The following ARHGAP23 variants were observed in gnomAD, a reference collection of about 807,000 sequenced individuals.
The protein encoded by ARHGAP23 is rho GTPase-activating protein 23.
A neutral mutation model predicts 136.3 loss-of-function variants in ARHGAP23; 34 were observed. The observed-to-expected ratio is 0.25, with a 90% CI of 0.19 to 0.33. The LOEUF is 0.33. Ranked by LOEUF, ARHGAP23 falls within the 10% of genes least tolerant of loss-of-function variation. ARHGAP23 has a pLI of 1.00. For synonymous variants in ARHGAP23, 832 were observed against 920.5 expected, an observed-to-expected ratio of 0.90 and a Z score of 1.74; for missense variants, 1,808 against 2,139.0, an observed-to-expected ratio of 0.85 and a Z score of 3.05.
chr17:38,496,902 A>G (rs923246264), intron 20 of ARHGAP23, among the ~76,000 whole-genome samples: 1 of 152,022 alleles, frequency 6.6e-6, no homozygotes, highest in African/African-American at 2.4e-5. Flanking sequence ...GCAGTGAGCC[A>G]AGATTGCACC....
chr17:38,481,209 T>A (rs1327766977), intron 14 of ARHGAP23, among the ~76,000 whole-genome samples: 1 of 151,146 alleles, frequency 6.6e-6, no homozygotes, highest in Non-Finnish European at 1.5e-5. Context: ...TGCAGTGGTG[T>A]GATGTCGGCT....
At chr17:38,425,467 G>T (rs2038560706), upstream of ARHGAP23, among the ~76,000 whole-genome samples, 1 of 152,160 alleles carries the variant, frequency 6.6e-6, no homozygotes, top group Non-Finnish European at 1.5e-5. Flanking sequence ...GGAGACCCAG[G>T]CCCCTCAAGG....
chr17:38,438,177 T>C (rs1267181127), intron 1 of ARHGAP23, among the ~76,000 whole-genome samples: 3 of 152,128 alleles, frequency 2.0e-5, no homozygotes, highest in South Asian at 4.2e-4. Context: ...AAAAATTAGC[T>C]GGGCGTGGTG....
chr17:38,469,322 G>A, intron 8 of ARHGAP23, 23 bp downstream of exon 8: 2 of 1,539,714 alleles, frequency 1.3e-6, no homozygotes, highest in South Asian at 2.4e-5. Context: ...CACACCCCCA[G>A]CCCCACCCTC....
chr17:38,431,595 G>A (rs866220572), intron 1 of ARHGAP23, among the ~76,000 whole-genome samples: 1 of 152,214 alleles, frequency 6.6e-6, no homozygotes, highest in African/African-American at 2.4e-5. Flanking sequence ...ATCTGTGCCA[G>A]GTGGGTGTCT....
intron 1 of ARHGAP23, among the ~76,000 whole-genome samples, chr17:38,431,344 G>A (rs2038682163): frequency 6.6e-6 from 1 of 152,222 alleles, no homozygotes; most frequent in Non-Finnish European, 1.5e-5. Flanking sequence ...GGGGCATGAA[G>A]CCCTGCTCTG....
chr17:38,506,957 C>T (rs1283756332), intron 23 of ARHGAP23, among the ~76,000 whole-genome samples: 3 of 152,122 alleles, frequency 2.0e-5, no homozygotes, highest in Middle Eastern at 3.4e-3. Context: ...CCGTGTGTGT[C>T]GGATGAATAC....
At chr17:38,504,080 G>C (rs537108465) in intron 23 of ARHGAP23, among the ~76,000 whole-genome samples, 51 of 152,292 alleles carry the variant, frequency 3.3e-4, no homozygotes, top group African/African-American at 1.2e-3. Context: ...CTCAGGCAGG[G>C]GAGCTGGTTA....
intron 6 of ARHGAP23, 77 bp downstream of exon 6, chr17:38,463,459 G>A (rs2039509425): frequency 1.3e-6 from 2 of 1,509,330 alleles, no homozygotes; most frequent in African/African-American, 1.4e-5. Context: ...AGGCAGAGAA[G>A]GAAGTGTTTG....
In ARHGAP23 at chr17:38,466,568, G is replaced by C. The variant is rs971043968; in HGVS notation, c.885G>C (p.Gln295His). 2.0e-6 allele frequency: 3 copies of C among 1,487,264 alleles called. No homozygotes were observed. The highest frequency in any genetic ancestry group is 1.3e-5 in the South Asian group (1 of 75,122). 92.1% of individuals were successfully genotyped at this position (1,487,264 alleles called of 1,614,324 possible). The change falls in exon 7 of 24, where the codon CAG (glutamine) becomes CAC (histidine). Residue 295 changes from glutamine to histidine, a missense_variant. Gln to His is a conservative substitution (Grantham distance 24). Transcript: ENST00000622683. Reference sequence around the variant, plus strand: ...CCTTGTCACACTGGCTGTCAAACCAGGTACCCCGCCGGGCGGGGGAGAGAC... The same window carrying C: ...CCTTGTCACACTGGCTGTCAAACCACGTACCCCGCCGGGCGGGGGAGAGAC... ...QQALSHWLSN[Q>H]VPRRAGERRC...
chr17:38,508,028 A>C (rs1597856344), intron 23 of ARHGAP23, among the ~76,000 whole-genome samples: 1 of 152,234 alleles, frequency 6.6e-6, no homozygotes, highest in East Asian at 1.9e-4. Flanking sequence ...TCCTGTGTTA[A>C]GGGGACTTCA....
At chr17:38,470,908 T>C (rs1198762734) in intron 10 of ARHGAP23, among the ~76,000 whole-genome samples, 1 of 151,746 alleles carries the variant, frequency 6.6e-6, no homozygotes, top group Non-Finnish European at 1.5e-5. Context: ...CCTGGACATA[T>C]TTTTGTTTTT....
chr17:38,431,295 C>T (rs567840145), intron 1 of ARHGAP23, among the ~76,000 whole-genome samples: 1 of 152,226 alleles, frequency 6.6e-6, no homozygotes, highest in African/African-American at 2.4e-5. Flanking sequence ...GCCCATAGCA[C>T]TGGGCCAGGG....
chr17:38,487,108 A>G (rs2040177566), intron 17 of ARHGAP23, among the ~76,000 whole-genome samples: 1 of 152,238 alleles, frequency 6.6e-6, no homozygotes, highest in African/African-American at 2.4e-5. Flanking sequence ...GGAATTGGGA[A>G]GAGAGGCACA....
chr17:38,455,896 G>A (rs1004019164), intron 1 of ARHGAP23, among the ~76,000 whole-genome samples: 19 of 152,316 alleles, frequency 1.2e-4, no homozygotes, highest in Admixed American at 1.0e-3. Flanking sequence ...GCAGGGCACC[G>A]TGGGAGAGAC....
chr17:38,447,454 A>AG (rs2039061079), intron 1 of ARHGAP23, among the ~76,000 whole-genome samples: 1 of 150,846 alleles, frequency 6.6e-6, no homozygotes, highest in African/African-American at 2.4e-5. Flanking sequence ...AAAAAAAAAA[A>AG]AAAAAAAAAA....
chr17:38,438,257 G>A (rs1462607446), intron 1 of ARHGAP23, among the ~76,000 whole-genome samples: 1 of 146,190 alleles, frequency 6.8e-6, no homozygotes, highest in Non-Finnish European at 1.5e-5. Context: ...GGAGGTGGAA[G>A]TTGCAGCGAG....
chr17:38,437,796 G>GT (rs1555576670), intron 1 of ARHGAP23, among the ~76,000 whole-genome samples: 25 of 16,368 alleles, frequency 1.5e-3, no homozygotes, highest in Admixed American at 0.011. Flanking sequence ...GCATAACGAA[G>GT]GGGGGGGAGG....
chr17:38,469,509 T>C lies in ARHGAP23; in HGVS notation c.1805-15T>C, dbSNP rs1412868709. On this transcript the variant is annotated splice_polypyrimidine_tract_variant and intron_variant, in intron 8 of 23. Transcript: ENST00000622683. ...GCCCCGCTGACCCTGAGGCCCGATG[T>C]GGGCGGCTTTGCAGGCAGCATCAAG... 1.3e-5 allele frequency: 20 copies of C among 1,546,358 alleles called. No homozygotes were observed. Among genetic ancestry groups the C allele is most frequent in the Non-Finnish European group, 1.7e-5 (19 of 1,145,436 alleles).
Sources: allele counts gnomAD v4.1 joint callset (sites outside exome capture counted in the v4.1 genomes callset), GRCh38; gene constraint gnomAD v4.1.1; transcripts MANE v1.5; gene names NCBI Gene and HGNC (gene_info 2026-07-23, HGNC 2026-07-21).